MAP3K21: variants seen among roughly 807,000 people sequenced by gnomAD.
MAP3K21 encodes the protein mitogen-activated protein kinase kinase kinase MLK4.
MAP3K21 carries 63 observed loss-of-function variants against 86.1 expected under a neutral mutation model. The ratio of observed to expected loss-of-function variants is 0.73; its 90% CI spans 0.60 to 0.90. The LOEUF is 0.90. MAP3K21 is among the 40% of genes least tolerant of loss of function. The probability of loss-of-function intolerance (pLI) is 0.00; values close to 1 mark genes in which losing one functional copy is unlikely to be tolerated. For synonymous variants in MAP3K21, 558 were observed against 564.8 expected (o/e 0.99, Z 0.17); for missense variants, 1,220 against 1,367.7 (o/e 0.89, Z 1.70).
intron 2 of MAP3K21, among the ~76,000 whole-genome samples, chr1:233,348,632 G>A (rs2102764547): frequency 6.6e-6 from 1 of 152,152 alleles, no homozygotes; most frequent in Non-Finnish European, 1.5e-5. Context: ...TCAGGGTTCC[G>A]ATTTCTCTCC....
intron 2 of MAP3K21, among the ~76,000 whole-genome samples, chr1:233,351,782 A>G (rs1663257314): frequency 6.6e-6 from 1 of 152,236 alleles, no homozygotes; most frequent in Non-Finnish European, 1.5e-5. Flanking sequence ...AAAAAGTTAA[A>G]GCTAATGAGG....
At chr1:233,331,177 G>C (rs1335353175) in intron 1 of MAP3K21, among the ~76,000 whole-genome samples, 7 of 152,150 alleles carry the variant, frequency 4.6e-5, no homozygotes, top group African/African-American at 7.2e-5. Flanking sequence ...AGACTTTTCA[G>C]TCTCAGAATA....
At position 233,375,963 on chromosome 1, in the gene MAP3K21, C is replaced by T; in HGVS notation, c.1723C>T (p.Arg575Ter). Residue 575 changes from arginine (R) to a stop codon, truncating the protein, a stop_gained, in exon 7 of 10, where the codon CGA becomes TGA. Transcript: ENST00000366624. LOFTEE classifies it high-confidence loss of function. ...NKTWGRNTVF[R>*]QEEFEDVKRN... ...AACTTGGGGAAGGAACACAGTCTTTCGACAAGAAGAATTTGAGGATGTAAA... is the reference window on the plus strand; with the variant it reads ...AACTTGGGGAAGGAACACAGTCTTTTGACAAGAAGAATTTGAGGATGTAAA... 2 of 1,609,280 alleles carry T rather than the reference C, an allele frequency of 1.2e-6. No individual in the cohort carries two copies. The highest frequency in any genetic ancestry group is 8.5e-7 in the Non-Finnish European group (1 of 1,178,476).
Position 233,346,437 on chromosome 1 carries a change from T to G in MAP3K21, c.806-5T>G. 3 of 1,576,400 alleles carry G rather than the reference T, an allele frequency of 1.9e-6. No individual in the cohort carries two copies. Among genetic ancestry groups the G allele is most frequent in the Non-Finnish European group, 2.6e-6 (3 of 1,160,668 alleles). ...GCAAATGTCTCACTTTTGATTTTTC[T>G]TTAGTTTTGCTACTTGAGAAGATAG... is the stretch of plus-strand genomic sequence containing the variant. On this transcript the variant is annotated splice_region_variant and splice_polypyrimidine_tract_variant and intron_variant, in intron 1 of 9. Transcript: ENST00000366624.
intron 9 of MAP3K21, among the ~76,000 whole-genome samples, chr1:233,381,336 G>C (rs1299454643): frequency 6.6e-6 from 1 of 152,136 alleles, no homozygotes; most frequent in East Asian, 1.9e-4. Context: ...TGAGATCGTG[G>C]TAAAAGTCAG....
At chr1:233,337,155 T>C (rs1243448160) in intron 1 of MAP3K21, among the ~76,000 whole-genome samples, 1 of 152,198 alleles carries the variant, frequency 6.6e-6, no homozygotes, top group Non-Finnish European at 1.5e-5. Flanking sequence ...TAAATCTTTT[T>C]GGTTTTGCAG....
intron 1 of MAP3K21, among the ~76,000 whole-genome samples, chr1:233,336,848 A>G (rs1025016074): frequency 6.6e-6 from 1 of 152,224 alleles, no homozygotes; most frequent in African/African-American, 2.4e-5. Flanking sequence ...TGATATAGAA[A>G]TTCTTCCATG....
In MAP3K21 at chr1:233,376,094, A is replaced by G. The variant is rs555861371; in HGVS notation, c.1826+28A>G. On this transcript the variant is annotated intron_variant, in intron 7 of 9. Coordinates refer to ENST00000366624, the MANE Select transcript of MAP3K21 (RefSeq NM_032435.3). Reference sequence around the variant, plus strand: ...ACGTGTGTGGTATCTGGTGGTATTCATTGTGTAATATGACAAATCCATTCC... The same window carrying G: ...ACGTGTGTGGTATCTGGTGGTATTCGTTGTGTAATATGACAAATCCATTCC... The G allele has an allele frequency of 7.0e-6, 11 of 1,563,118 alleles. No homozygotes were observed. The African/African-American group carries it at 1.4e-4, about 20-fold the overall frequency.
intron 1 of MAP3K21, among the ~76,000 whole-genome samples, chr1:233,342,687 T>A (rs1335753293): frequency 6.6e-6 from 1 of 151,930 alleles, no homozygotes; most frequent in Admixed American, 6.6e-5. Flanking sequence ...GCTTAGGGGG[T>A]TTTTCTAAGG....
chr1:233,379,513 C>T lies in MAP3K21; in HGVS notation c.2507C>T (p.Pro836Leu), dbSNP rs781489128. 6 of 1,614,080 alleles carry T rather than the reference C, an allele frequency of 3.7e-6. No individual in the cohort carries two copies. The highest frequency in any genetic ancestry group is 4.2e-6 in the Non-Finnish European group (5 of 1,180,048). ...ACTTGTGACTCTGAGATGCTCACTC[C>T]GGATTTTTGTCCCACTGCCCCAGGA... ...PVTCDSEMLT[P>L]DFCPTAPGSG... is the part of the protein sequence containing the mutation. Residue 836 changes from proline (P) to leucine (L), a missense_variant, in exon 9 of 10, where the codon CCG becomes CTG. Coordinates refer to ENST00000366624, the MANE Select transcript of MAP3K21 (RefSeq NM_032435.3).
intron 3 of MAP3K21, 152 bp from the exon 4 acceptor site, chr1:233,354,684 T>G (rs1663314829): frequency 7.6e-6 from 5 of 654,678 alleles, no homozygotes; most frequent in Non-Finnish European, 1.3e-5. Context: ...TACCAATGGA[T>G]TCTTAAAATC....
intron 1 of MAP3K21, among the ~76,000 whole-genome samples, chr1:233,339,322 T>TCCC (rs1330668593): frequency 7.6e-4 from 104 of 136,300 alleles, no homozygotes; most frequent in Non-Finnish European, 9.2e-4. Context: ...CTTCCTCTTC[T>TCCC]TCTTCTTCCT....
chr1:233,328,748 G>C lies in MAP3K21; in HGVS notation c.720G>C (p.Trp240Cys). Residue 240 changes from tryptophan to cysteine, a missense_variant, in exon 1 of 10, where the codon TGG becomes TGC. By Grantham distance (215) the Trp-to-Cys change is radical (BLOSUM62 -2). Transcript: ENST00000366624. The surrounding 1 kb of genome is among the most constrained non-coding windows in gnomAD (Gnocchi z 8.7). ...TCCCTCCGCACGTGCTGGTCAACTG[G>C]GCCGTGCAGATAGCGCGGGGCATGC... is the stretch of plus-strand genomic sequence containing the variant. ...RRIPPHVLVN[W>C]AVQIARGMLY... The C allele has an allele frequency of 6.6e-7, 1 of 1,517,526 alleles. No homozygotes were observed. The highest frequency in any genetic ancestry group is 8.8e-7 in the Non-Finnish European group (1 of 1,131,052). 94.0% of individuals were successfully genotyped at this position (1,517,526 alleles called of 1,614,324 possible). A position where few individuals can be genotyped will look rare whatever the true frequency, so the allele number is the denominator to read the frequency against.
chr1:233,380,865 C>T (rs1663899981), intron 9 of MAP3K21, among the ~76,000 whole-genome samples: 1 of 152,226 alleles, frequency 6.6e-6, no homozygotes, highest in East Asian at 1.9e-4. Flanking sequence ...TGCTGTATCA[C>T]AGTGTCTCAC....
Position 233,328,718 on chromosome 1 carries a change from C to T in MAP3K21, c.690C>T (p.Arg230=), listed in dbSNP as rs773396296. 2.1e-6 allele frequency: 3 copies of T among 1,405,438 alleles called. No homozygotes were observed. In the South Asian group the frequency reaches 4.8e-5, roughly 23 times the overall value. 87.1% of individuals were successfully genotyped at this position (1,405,438 alleles called of 1,614,324 possible). The change falls in exon 1 of 10, where the codon CGC becomes CGT. Residue 230 remains arginine (R), a synonymous_variant. Transcript: ENST00000366624. This position sits in a 1 kb window ranked among gnomAD's most constrained non-coding sequence, Gnocchi z 8.7. The part of the protein sequence containing the change: ...DPRAPGPRRA[R]RIPPHVLVNW... The stretch of plus-strand genomic sequence containing the variant: ...GCGCGCCCGGCCCCCGCCGCGCGCG[C>T]CGCATCCCTCCGCACGTGCTGGTCA...
At chr1:233,364,397 T>C (rs1172385176) in intron 5 of MAP3K21, among the ~76,000 whole-genome samples, 1 of 152,234 alleles carries the variant, frequency 6.6e-6, no homozygotes, top group Non-Finnish European at 1.5e-5. Context: ...TAGCTGTGAT[T>C]TGATTGTGTT....
Position 233,379,050 on chromosome 1 carries a change from A to G in MAP3K21, c.2044A>G (p.Asn682Asp). The change falls in exon 9 of 10, where the codon AAT (asparagine) becomes GAT (aspartate). Residue 682 changes from asparagine (N) to aspartate (D), a missense_variant. Asn to Asp is a conservative substitution (Grantham distance 23). This residue lies in a region of MAP3K21 where 632 missense variants were observed against 691.3 expected (regional missense o/e 0.91). Transcript: ENST00000366624. ...LPLGKDAQRE[N>D]PAEAESWEEA... ...TCTTGGGAAAGATGCTCAGAGAGAG[A>G]ATCCTGCAGAAGCTGAAAGCTGGGA... 6.2e-7 allele frequency: 1 copy of G among 1,614,182 alleles called. No individual in the cohort carries two copies. Among genetic ancestry groups the G allele is most frequent in the Middle Eastern group, 1.6e-4 (1 of 6,062 alleles).
At chr1:233,360,030 G>T (rs907741557) in intron 4 of MAP3K21, among the ~76,000 whole-genome samples, 68 of 152,242 alleles carry the variant, frequency 4.5e-4, no homozygotes, top group African/African-American at 1.5e-3. Flanking sequence ...AATTAAAAAT[G>T]TTTTTTTATT....
intron 8 of MAP3K21, among the ~76,000 whole-genome samples, chr1:233,377,050 G>A: frequency 6.6e-6 from 1 of 152,186 alleles, no homozygotes; most frequent in East Asian, 1.9e-4. Flanking sequence ...AGCCAAGATT[G>A]TGCCACTGCA....
Sources: gnomAD v4.1 joint callset for allele counts (sites outside exome capture counted in the v4.1 genomes callset) on GRCh38, gnomAD v4.1.1 for gene constraint, gnomAD v4.1.1 regional missense constraint, Gnocchi (gnomAD v3.1) non-coding constraint, MANE v1.5 for transcripts, NCBI Gene and HGNC (gene_info 2026-07-23, HGNC 2026-07-21) for gene names.